TPRG1: variants seen among roughly 807,000 people sequenced by gnomAD.
The protein encoded by TPRG1 is tumor protein p63 regulated 1, also known as tumor protein p63-regulated gene 1 protein.
Under a neutral mutation model 29.3 loss-of-function variants are expected in TPRG1, and 29 were observed. The observed-to-expected ratio is 0.99, with a 90% CI of 0.74 to 1.35. The LOEUF (loss-of-function observed/expected upper bound fraction) is 1.35, where lower values mean the gene tolerates loss of function less well. Ranked by LOEUF, TPRG1 falls within the 40% of genes most tolerant of loss-of-function variation. The pLI, the probability that TPRG1 is intolerant of heterozygous loss-of-function variation, is 0.00. For missense variants in TPRG1, 327 were observed against 335.0 expected (o/e 0.98, Z 0.19); for synonymous variants, 130 against 116.8 (o/e 1.11, Z -0.73).
chr3:189,049,285 G>A (rs555297019), intron 4 of TPRG1, among the ~76,000 whole-genome samples: 2 of 152,168 alleles, frequency 1.3e-5, no homozygotes, highest in Non-Finnish European at 2.9e-5. Flanking sequence ...CTGGAAACAG[G>A]CTTGGGGCTG....
At position 189,103,556 on chromosome 3, in the gene TPRG1, A is replaced by G. The variant is rs570790461; in HGVS notation, c.-744+3352A>G. ...TATGAAATATTTCTTATATATCATG[A>G]GACAGAGACTGTATGTTTTTTAATC... is the stretch of plus-strand genomic sequence containing the variant. On this transcript the variant is annotated intron_variant, in intron 1 of 6. Coordinates refer to the TPRG1 transcript ENST00000412373. 1.9e-4 allele frequency among the ~76,000 whole-genome samples: 29 copies of G among 152,334 alleles called. No homozygotes were observed. In the South Asian group the frequency reaches 5.8e-3, roughly 30 times the overall value.
intron 5 of TPRG1, among the ~76,000 whole-genome samples, chr3:189,158,751 A>G (rs1341697504): frequency 6.6e-6 from 1 of 151,990 alleles, no homozygotes; most frequent in Non-Finnish European, 1.5e-5. Context: ...GTTTGTCTCC[A>G]TCTTGGGTTC....
intron 4 of TPRG1, among the ~76,000 whole-genome samples, chr3:189,033,291 T>C (rs75616367): frequency 8.6e-5 from 13 of 151,378 alleles, no homozygotes; most frequent in Admixed American, 7.2e-4. Context: ...TTTTTTTTTT[T>C]AATTTCTTGA....
At chr3:189,085,564 C>G (rs1717883898) in intron 4 of TPRG1, among the ~76,000 whole-genome samples, 1 of 152,036 alleles carries the variant, frequency 6.6e-6, no homozygotes, top group South Asian at 2.1e-4. Flanking sequence ...TTCATTCTTT[C>G]CTGGGAGAGT....
At chr3:189,290,280 T>C (rs1263923680) in intron 4 of TPRG1, among the ~76,000 whole-genome samples, 1 of 152,218 alleles carries the variant, frequency 6.6e-6, no homozygotes, top group Non-Finnish European at 1.5e-5. Flanking sequence ...TGTCCCATCC[T>C]TCCTCTGCCA....
chr3:189,204,454 G>A lies in TPRG1; in HGVS notation c.-9-2922G>A, dbSNP rs533716061. Among the ~76,000 whole-genome samples, 18 of 152,302 alleles carry A rather than the reference G, an allele frequency of 1.2e-4. No individual in the cohort carries two copies. In the South Asian group the frequency reaches 1.7e-3, roughly 14 times the overall value. On this transcript the variant is annotated intron_variant, in intron 1 of 5. Coordinates refer to ENST00000345063, the MANE Select transcript of TPRG1 (RefSeq NM_198485.4). ...GTTCTGTTTATTGTTCTTCTAAGATGTTCCTGTGACTGGAACAGAGCTGGA... is the reference window on the plus strand; with the variant it reads ...GTTCTGTTTATTGTTCTTCTAAGATATTCCTGTGACTGGAACAGAGCTGGA...
chr3:189,260,024 T>C (rs936675934), intron 4 of TPRG1, among the ~76,000 whole-genome samples: 10 of 152,290 alleles, frequency 6.6e-5, no homozygotes, highest in Non-Finnish European at 1.0e-4. Context: ...AGATAGAATA[T>C]AGACAGTTTA....
chr3:189,019,414 CT>C (rs1326803505), intron 3 of TPRG1, among the ~76,000 whole-genome samples: 1 of 152,096 alleles, frequency 6.6e-6, no homozygotes, highest in African/African-American at 2.4e-5. Flanking sequence ...CCATCAATAC[CT>C]AATTTATTGA....
chr3:189,000,069 G>T (rs576537986), intron 1 of TPRG1, among the ~76,000 whole-genome samples: 1 of 152,120 alleles, frequency 6.6e-6, no homozygotes, highest in Admixed American at 6.6e-5. Context: ...TACAAATTTG[G>T]TAGAAAAAAT....
chr3:189,018,795 G>A (rs1365948967), intron 3 of TPRG1, among the ~76,000 whole-genome samples: 6 of 148,510 alleles, frequency 4.0e-5, no homozygotes, highest in Admixed American at 2.0e-4. Flanking sequence ...GATGGGGATG[G>A]CATTGAATCT....
At chr3:189,262,435 A>G (rs1160455088) in intron 4 of TPRG1, among the ~76,000 whole-genome samples, 10 of 152,030 alleles carry the variant, frequency 6.6e-5, no homozygotes, top group Admixed American at 3.9e-4. Context: ...GAGACAAACT[A>G]TTCACTCAAG....
chr3:189,305,953 T>G (rs9823512), intron 4 of TPRG1, among the ~76,000 whole-genome samples: 69,655 of 152,042 alleles, frequency 0.46, 17,873 homozygotes, highest in African/African-American at 0.68. Flanking sequence ...GATCCAGCTG[T>G]TTTCCTTGAG....
chr3:189,105,255 T>G (rs966577272), intron 1 of TPRG1, among the ~76,000 whole-genome samples: 5 of 152,130 alleles, frequency 3.3e-5, no homozygotes, highest in African/African-American at 1.2e-4. Context: ...TTCAATGGTA[T>G]GTCTCAGTGC....
intron 4 of TPRG1, among the ~76,000 whole-genome samples, chr3:189,279,152 AC>A (rs1293696599): frequency 1.3e-5 from 2 of 152,222 alleles, no homozygotes; most frequent in Non-Finnish European, 1.5e-5. Flanking sequence ...GAGTGAATAC[AC>A]CTGTGTTCCA....
intron 2 of TPRG1, among the ~76,000 whole-genome samples, chr3:189,129,661 T>C (rs943470823): frequency 2.0e-5 from 3 of 152,206 alleles, no homozygotes; most frequent in Non-Finnish European, 2.9e-5. Flanking sequence ...ATTTTCTCTA[T>C]ATTTATTAAC....
At chr3:189,205,357 A>G (rs1734161538) in intron 1 of TPRG1, among the ~76,000 whole-genome samples, 1 of 152,256 alleles carries the variant, frequency 6.6e-6, no homozygotes, top group East Asian at 1.9e-4. Flanking sequence ...CTCAGGGTGA[A>G]CATATATATA....
chr3:189,203,796 C>G (rs923283769), intron 1 of TPRG1, among the ~76,000 whole-genome samples: 2 of 152,102 alleles, frequency 1.3e-5, no homozygotes, highest in African/African-American at 4.8e-5. Context: ...AATCCCAGGA[C>G]TTTGGGAGAC....
chr3:189,211,792 G>A (rs939390707), intron 2 of TPRG1: 2 of 152,204 alleles, frequency 1.3e-5, no homozygotes, highest in African/African-American at 4.8e-5. Flanking sequence ...GACCCTCGAT[G>A]CTTTCCACCA....
intron 4 of TPRG1, among the ~76,000 whole-genome samples, chr3:189,026,412 TG>T (rs1256623845): frequency 6.6e-6 from 1 of 152,118 alleles, no homozygotes; most frequent in African/African-American, 2.4e-5. Flanking sequence ...ACTGTCACAT[TG>T]GGGGTTGGAT....
Sources: allele counts gnomAD v4.1 joint callset (sites outside exome capture counted in the v4.1 genomes callset), GRCh38; gene constraint gnomAD v4.1.1; transcripts MANE v1.5; gene names NCBI Gene and HGNC (gene_info 2026-07-23, HGNC 2026-07-21).